The following DPP6 variants were observed in gnomAD, a reference collection of about 807,000 sequenced individuals.
DPP6 encodes A-type potassium channel modulatory protein DPP6.
A neutral mutation model predicts 122.6 loss-of-function variants in DPP6; 69 were observed. The ratio of observed to expected loss-of-function variants is 0.56; its 90% confidence interval spans 0.46 to 0.69. DPP6 has a LOEUF of 0.69. Among genes scored for constraint, DPP6 ranks in the 30% least tolerant of loss-of-function variants. The probability of loss-of-function intolerance (pLI) is 0.00; values close to 1 mark genes in which losing one functional copy is unlikely to be tolerated. For missense variants in DPP6, 928 were observed against 1,116.9 expected (o/e 0.83, Z 2.41); for synonymous variants, 418 against 433.1 (o/e 0.97, Z 0.43).
chr7:154,071,508 C>T (rs1803116403), intron 1 of DPP6, among the ~76,000 whole-genome samples: 1 of 152,206 alleles, frequency 6.6e-6, no homozygotes, highest in South Asian at 2.1e-4. Context: ...GCTCAGTCTG[C>T]ATCAGACTAA....
intron 5 of DPP6, among the ~76,000 whole-genome samples, chr7:154,574,665 T>TGTGTGTG (rs1295921393): frequency 1.4e-4 from 20 of 139,752 alleles, no homozygotes; most frequent in Non-Finnish European, 2.8e-4. Context: ...TGTTTGTGTA[T>TGTGTGTG]GTGTGTGGTG....
the DPP6 span, among the ~76,000 whole-genome samples, chr7:153,831,971 C>G: frequency 1.3e-5 from 2 of 152,162 alleles, no homozygotes; most frequent in South Asian, 4.1e-4. Context: ...CCTCTGGTTG[C>G]TGTCATGAGC....
At chr7:153,849,872 TTAAG>T in the DPP6 span, among the ~76,000 whole-genome samples, 7 of 152,210 alleles carry the variant, frequency 4.6e-5, no homozygotes, top group African/African-American at 1.7e-4. Context: ...CTGTATCATT[TTAAG>T]TGTCTTTTAT....
At chr7:153,830,678 G>A in the DPP6 span, among the ~76,000 whole-genome samples, 1 of 152,158 alleles carries the variant, frequency 6.6e-6, no homozygotes, top group African/African-American at 2.4e-5. Flanking sequence ...CTGTGGGGCT[G>A]GGGAGTGTGC....
chr7:154,011,306 T>C (rs1310909675), intron 1 of DPP6, among the ~76,000 whole-genome samples: 1 of 152,218 alleles, frequency 6.6e-6, no homozygotes, highest in Non-Finnish European at 1.5e-5. Flanking sequence ...AAGCCTCACA[T>C]TCCTGATGCT....
At chr7:154,175,467 C>T (rs1439862746) in intron 1 of DPP6, among the ~76,000 whole-genome samples, 1 of 152,042 alleles carries the variant, frequency 6.6e-6, no homozygotes, top group Non-Finnish European at 1.5e-5. Context: ...TTCCCCCCAC[C>T]CCACCCCCAG....
intron 1 of DPP6, among the ~76,000 whole-genome samples, chr7:154,443,507 CAT>C: frequency 6.8e-6 from 1 of 146,366 alleles, no homozygotes; most frequent in Non-Finnish European, 1.5e-5. Flanking sequence ...TTGACAGATA[CAT>C]GGATGGATGG....
At chr7:153,848,365 A>G in the DPP6 span, among the ~76,000 whole-genome samples, 1 of 151,430 alleles carries the variant, frequency 6.6e-6, no homozygotes, top group South Asian at 2.1e-4. Context: ...TATCTGGATC[A>G]ATTCCCTTAC....
intron 1 of DPP6, among the ~76,000 whole-genome samples, chr7:154,023,940 C>T (rs1296765238): frequency 1.3e-5 from 2 of 152,128 alleles, no homozygotes. Context: ...TTTAGGGGTG[C>T]CCAACAGCTT....
chr7:154,127,618 C>CACAG (rs1563225575), intron 1 of DPP6, among the ~76,000 whole-genome samples: 1 of 113,314 alleles, frequency 8.8e-6, no homozygotes, highest in African/African-American at 4.1e-5. Context: ...CACACACACA[C>CACAG]ACACACACAC....
chr7:153,848,161 G>T, the DPP6 span, among the ~76,000 whole-genome samples: 2 of 152,122 alleles, frequency 1.3e-5, no homozygotes, highest in African/African-American at 4.8e-5. Flanking sequence ...ACAAGCTAGC[G>T]CTGAGGGCAT....
chr7:154,013,952 T>C (rs1240367623), intron 1 of DPP6, among the ~76,000 whole-genome samples: 1 of 151,622 alleles, frequency 6.6e-6, no homozygotes. Flanking sequence ...TCTTCTTTCC[T>C]CTCTCCCCTT....
intron 1 of DPP6, among the ~76,000 whole-genome samples, chr7:154,364,264 T>A (rs1483657254): frequency 1.3e-5 from 2 of 152,168 alleles, no homozygotes; most frequent in African/African-American, 4.8e-5. Context: ...CATACTCACA[T>A]GGATGATGTC....
intron 1 of DPP6, among the ~76,000 whole-genome samples, chr7:154,256,007 T>C (rs1430764173): frequency 2.0e-5 from 3 of 152,010 alleles, no homozygotes; most frequent in African/African-American, 7.3e-5. Context: ...AAACACACTA[T>C]GAAAAGCACA....
At chr7:154,784,907 C>A (rs1248414269) in intron 10 of DPP6, among the ~76,000 whole-genome samples, 2 of 152,172 alleles carry the variant, frequency 1.3e-5, no homozygotes, top group Non-Finnish European at 2.9e-5. Flanking sequence ...CTTCTGTGCC[C>A]TTTCCTGCCT....
intron 19 of DPP6, among the ~76,000 whole-genome samples, chr7:154,873,718 A>G (rs1485201594): frequency 6.6e-6 from 1 of 152,166 alleles, no homozygotes; most frequent in Non-Finnish European, 1.5e-5. Context: ...GCAGCCATGC[A>G]TGCACACTCA....
Position 154,804,979 on chromosome 7 carries a change from C to T in DPP6, c.1547+15C>T, listed in dbSNP as rs1483970023. On this transcript the variant is annotated intron_variant, in intron 15 of 25. Transcript: ENST00000377770. ...CAACTCTACAGGTAACTCCTGCTCC[C>T]CCTGCACACAGGGCTCTCCCCCTTA... The T allele has an allele frequency of 3.1e-6, 5 of 1,591,224 alleles. No homozygotes were observed. The South Asian group carries it at 4.6e-5, about 15-fold the overall frequency.
At position 154,403,590 on chromosome 7, in the gene DPP6, G is replaced by A. The variant is rs1036416544; in HGVS notation, c.244-42624G>A. Among the ~76,000 whole-genome samples, 2 of 152,188 alleles carry A rather than the reference G, an allele frequency of 1.3e-5. No homozygotes were observed. The highest frequency in any genetic ancestry group is 2.9e-5 in the Non-Finnish European group (2 of 68,028). On this transcript the variant is annotated intron_variant, in intron 1 of 25. Coordinates refer to ENST00000377770, the MANE Select transcript of DPP6 (RefSeq NM_130797.4). This position sits in a 1 kb window ranked among gnomAD's most constrained non-coding sequence, Gnocchi z 4.1. ...AAAGCAAAGAGCACTGGGCAATCAC[G>A]CCTTTCTCTGCTGTCTGCACGTGGC...
intron 1 of DPP6, among the ~76,000 whole-genome samples, chr7:154,388,790 A>G (rs1310881631): frequency 6.6e-6 from 1 of 152,204 alleles, no homozygotes; most frequent in Non-Finnish European, 1.5e-5. Context: ...ATGCCTGGTA[A>G]TGATAAAGGA....
Sources: gnomAD v4.1 joint callset for allele counts (sites outside exome capture counted in the v4.1 genomes callset) on GRCh38, gnomAD v4.1.1 for gene constraint, Gnocchi (gnomAD v3.1) non-coding constraint, MANE v1.5 for transcripts, NCBI Gene and HGNC (gene_info 2026-07-23, HGNC 2026-07-21) for gene names.